Variants in BRCA1 observed in about 807,000 individuals in gnomAD.
BRCA1 encodes breast cancer type 1 susceptibility protein.
In BRCA1, 140 loss-of-function variants were observed where a neutral mutation model predicts 173.7. The ratio of observed to expected loss-of-function variants is 0.81; its 90% CI spans 0.70 to 0.93. The LOEUF (loss-of-function observed/expected upper bound fraction) is 0.93, where lower values mean the gene tolerates loss of function less well. BRCA1 is among the 40% of genes least tolerant of loss of function. BRCA1 has a pLI of 0.00. For missense variants in BRCA1, 1,983 were observed against 2,172.5 expected (o/e 0.91, Z 1.73); for synonymous variants, 662 against 756.0 (o/e 0.88, Z 2.04).
intron 1 of BRCA1, among the ~76,000 whole-genome samples, chr17:43,142,915 TG>T (rs2056085607): frequency 3.1e-5 from 4 of 128,238 alleles, no homozygotes; most frequent in Admixed American, 8.1e-5. Context: ...GGCTAATTTT[TG>T]TGTGTGTGTG....
At chr17:43,073,748 G>GTATA (rs375723816) in intron 14 of BRCA1, among the ~76,000 whole-genome samples, 111 of 148,790 alleles carry the variant, frequency 7.5e-4, no homozygotes, top group African/African-American at 2.0e-3. Flanking sequence ...ATATATGTGT[G>GTATA]TATATATATA....
intron 1 of BRCA1, among the ~76,000 whole-genome samples, chr17:43,151,360 A>T (rs2056160455): frequency 6.6e-6 from 1 of 151,824 alleles, no homozygotes; most frequent in Non-Finnish European, 1.5e-5. Flanking sequence ...CAGATGAATC[A>T]CTTGAGGTTA....
chr17:43,112,503 T>C (rs2055081116), intron 3 of BRCA1: 1 of 152,150 alleles, frequency 6.6e-6, no homozygotes, highest in Non-Finnish European at 1.5e-5. Flanking sequence ...TCCTAGCTAC[T>C]TGAGGGGCTG....
chr17:43,056,925 GA>G, intron 19 of BRCA1, 126 bp downstream of exon 19: 1 of 864,564 alleles, frequency 1.2e-6, no homozygotes, highest in East Asian at 2.4e-5. Flanking sequence ...GAACCTGTGT[GA>G]AAGTATCTAG....
intron 11 of BRCA1, among the ~76,000 whole-genome samples, chr17:43,088,517 C>G (rs1373971326): frequency 6.6e-6 from 1 of 152,144 alleles, no homozygotes; most frequent in African/African-American, 2.4e-5. Flanking sequence ...TCAGTTAACA[C>G]AATGTCTTCA....
At chr17:43,077,757 G>A (rs1404173493) in intron 12 of BRCA1, among the ~76,000 whole-genome samples, 1 of 344 alleles carries the variant, frequency 2.9e-3, no homozygotes, top group African/African-American at 0.014. Flanking sequence ...TTTTTGAGAT[G>A]GAGTTTGCTC....
In BRCA1 at chr17:43,077,850, C is replaced by T. The variant is rs1200979661; in HGVS notation, c.4358-1236G>A. On this transcript the variant is annotated intron_variant, in intron 12 of 22. Coordinates refer to ENST00000357654, the MANE Select transcript of BRCA1 (RefSeq NM_007294.4). ...TCCCAGGTTCAAGCTGTTCTCCTGC[C>T]TCAGCCTCCCAAGTAGTTGGGATTA... 3.9e-5 allele frequency among the ~76,000 whole-genome samples: 6 copies of T among 152,162 alleles called. No individual in the cohort carries two copies. In the South Asian group the frequency reaches 1.2e-3, roughly 32 times the overall value.
chr17:43,063,882 C>T lies in BRCA1; in HGVS notation c.5144G>A (p.Ser1715Asn), dbSNP rs45444999. Reference protein sequence around the residue: ...LGIAGGKWVVSYFWVTQSIKE... With the variant: ...LGIAGGKWVVNYFWVTQSIKE... Reference sequence around the variant, plus strand: ...AATAGTATTATACTTACAGAAATAGCTAACTACCCATTTTCCTCCCGCAAT... The same window carrying T: ...AATAGTATTATACTTACAGAAATAGTTAACTACCCATTTTCCTCCCGCAAT... Residue 1715 changes from serine (S) to asparagine (N), a missense_variant, in exon 17 of 23, where the codon AGC (serine) becomes AAC (asparagine). Transcript: ENST00000357654. The T allele has an allele frequency of 1.2e-6, 2 of 1,612,670 alleles. No homozygotes were observed. Among genetic ancestry groups the T allele is most frequent in the Non-Finnish European group, 1.7e-6 (2 of 1,178,728 alleles).
chr17:43,079,915 C>T, intron 12 of BRCA1: 1 of 625,746 alleles, frequency 1.6e-6, no homozygotes, highest in Non-Finnish European at 2.8e-6. Flanking sequence ...AATAAGATAA[C>T]TTGTTAGAAG....
intron 12 of BRCA1, among the ~76,000 whole-genome samples, chr17:43,077,092 G>C (rs919662028): frequency 6.6e-6 from 1 of 151,920 alleles, no homozygotes; most frequent in African/African-American, 2.4e-5. Flanking sequence ...TCTGCATGTC[G>C]GGGGTAAACA....
Position 43,106,455 on chromosome 17 carries a change from C to T in BRCA1, c.212+1G>A, listed in dbSNP as rs80358042. ...CCTAGCATCATTACCAAATTATATA[C>T]CTTTTGGTTATATCATTCTTACATA... On this transcript the variant is annotated splice_donor_variant, in intron 4 of 22. Coordinates refer to ENST00000357654, the MANE Select transcript of BRCA1 (RefSeq NM_007294.4). LOFTEE classifies it high-confidence loss of function. 6.3e-7 allele frequency: 1 copy of T among 1,575,982 alleles called. No individual in the cohort carries two copies. The highest frequency in any genetic ancestry group is 1.7e-5 in the Admixed American group (1 of 59,726).
intron 1 of BRCA1, among the ~76,000 whole-genome samples, chr17:43,146,835 A>G (rs7209398): frequency 2.2e-4 from 34 of 152,272 alleles, no homozygotes; most frequent in African/African-American, 7.7e-4. Flanking sequence ...TGGGGATTCA[A>G]CATCCCTGGG....
intron 1 of BRCA1, chr17:43,144,819 G>A (rs1021068719): frequency 4.7e-6 from 2 of 424,350 alleles, no homozygotes; most frequent in Middle Eastern, 7.6e-4. Flanking sequence ...TCTGGAGTTC[G>A]AGACCAGCCT....
rs1597831916 is a variant in BRCA1, at chr17:43,071,224, G to A, written c.4690C>T (p.Leu1564=). 3.1e-6 allele frequency: 5 copies of A among 1,614,142 alleles called. No individual in the cohort carries two copies. The highest frequency in any genetic ancestry group is 4.2e-6 in the Non-Finnish European group (5 of 1,180,008). The change falls in exon 15 of 23, where the codon CTG becomes TTG. Residue 1564 remains leucine, a synonymous_variant. Transcript: ENST00000357654. Reference sequence around the variant, plus strand: ...GAGAAGAGGCTGATTCCAGATTCCAGGTAAGGGGTTCCCTCTGAAAGGAAT... The same window carrying A: ...GAGAAGAGGCTGATTCCAGATTCCAAGTAAGGGGTTCCCTCTGAAAGGAAT... The part of the protein sequence containing the change: ...PRQDLEGTPY[L]ESGISLFSDD...
intron 16 of BRCA1, chr17:43,067,348 C>T (rs189390399): frequency 1.6e-5 from 6 of 370,908 alleles, no homozygotes; most frequent in East Asian, 1.3e-4. Flanking sequence ...TCCATCTCCC[C>T]GGTTCAAGTG....
intron 14 of BRCA1, among the ~76,000 whole-genome samples, chr17:43,071,925 G>A (rs952283414): frequency 6.6e-5 from 10 of 151,572 alleles, no homozygotes; most frequent in Middle Eastern, 3.4e-3. Flanking sequence ...GGGGAATGGC[G>A]TGTACCCGGG....
At chr17:43,157,942 G>C (rs1357981988) in intron 1 of BRCA1, among the ~76,000 whole-genome samples, 1 of 148,354 alleles carries the variant, frequency 6.7e-6, no homozygotes, top group African/African-American at 2.5e-5. Context: ...GTTGTGGTGA[G>C]CCGAGATGTG....
Position 43,115,789 on chromosome 17 carries a change from T to G in BRCA1, c.81-10A>C, listed in dbSNP as rs548497799. ...CTTGATCAACTCCAGACTAGCAGGG[T>G]AGGGGGGGAGAAAAAGAAAATAAAT... On this transcript the variant is annotated splice_polypyrimidine_tract_variant and intron_variant, in intron 2 of 22. Coordinates refer to ENST00000357654, the MANE Select transcript of BRCA1 (RefSeq NM_007294.4). 1.9e-6 allele frequency: 3 copies of G among 1,611,464 alleles called. No individual in the cohort carries two copies. In the South Asian group the frequency reaches 3.3e-5, roughly 18 times the overall value.
chr17:43,113,669 T>G (rs2055139187), intron 3 of BRCA1, among the ~76,000 whole-genome samples: 1 of 152,174 alleles, frequency 6.6e-6, no homozygotes, highest in Non-Finnish European at 1.5e-5. Flanking sequence ...GCCCGTCCTC[T>G]ATTTTCTTTT....
Sources: allele counts gnomAD v4.1 joint callset (sites outside exome capture counted in the v4.1 genomes callset), GRCh38; gene constraint gnomAD v4.1.1; transcripts MANE v1.5; gene names NCBI Gene and HGNC (gene_info 2026-07-23, HGNC 2026-07-21).